KIF16B: variants seen among roughly 807,000 people sequenced by gnomAD.
The protein encoded by KIF16B is kinesin family member 16B.
In KIF16B, 98 loss-of-function variants were observed where a neutral mutation model predicts 156.3. That is an observed-to-expected ratio of 0.63 (90% CI 0.53 to 0.74). The LOEUF (loss-of-function observed/expected upper bound fraction) is 0.74, where lower values mean the gene tolerates loss of function less well. Among genes scored for constraint, KIF16B ranks in the 30% least tolerant of loss-of-function variants. The probability of loss-of-function intolerance (pLI) is 0.00; values close to 1 mark genes in which losing one functional copy is unlikely to be tolerated. For missense variants in KIF16B, 1,421 were observed against 1,606.5 expected (o/e 0.88, Z 1.97); for synonymous variants, 564 against 583.7 (o/e 0.97, Z 0.49).
At chr20:16,278,792 T>C (rs2876426) in intron 25 of KIF16B, among the ~76,000 whole-genome samples, 74,653 of 152,076 alleles carry the variant, frequency 0.49, 19,466 homozygotes, top group East Asian at 0.97. Flanking sequence ...TCCTGCCTGC[T>C]ACCCACAGCA....
chr20:16,470,586 C>T (rs2067633679), intron 12 of KIF16B, among the ~76,000 whole-genome samples: 1 of 152,058 alleles, frequency 6.6e-6, no homozygotes, highest in Non-Finnish European at 1.5e-5. Context: ...CAGGCTCAAG[C>T]AATCCTCCTA....
At chr20:16,426,513 G>T (rs2066356335) in intron 15 of KIF16B, among the ~76,000 whole-genome samples, 2 of 152,176 alleles carry the variant, frequency 1.3e-5, no homozygotes, top group Admixed American at 6.6e-5. Context: ...CTTGAACGAG[G>T]TCTGAGGATC....
intron 1 of KIF16B, among the ~76,000 whole-genome samples, chr20:16,557,158 T>TACTATATATATATAC (rs1568684259): frequency 2.6e-4 from 39 of 147,266 alleles, no homozygotes; most frequent in Non-Finnish European, 5.5e-4. Flanking sequence ...TATATATATA[T>TACTATATATATATAC]ACACACACAC....
chr20:16,312,859 TA>T (rs1203291169), intron 24 of KIF16B, among the ~76,000 whole-genome samples: 1 of 152,116 alleles, frequency 6.6e-6, no homozygotes, highest in Non-Finnish European at 1.5e-5. Flanking sequence ...CTGAACATTT[TA>T]TAAAATCGTT....
chr20:16,374,120 G>T, intron 20 of KIF16B, 137 bp downstream of exon 20: 1 of 827,200 alleles, frequency 1.2e-6, no homozygotes, highest in Non-Finnish European at 1.7e-6. Flanking sequence ...GCAGATGAAG[G>T]CAGAGCACAT....
intron 23 of KIF16B, among the ~76,000 whole-genome samples, chr20:16,338,949 T>C (rs1252666018): frequency 6.6e-6 from 1 of 152,140 alleles, no homozygotes; most frequent in Non-Finnish European, 1.5e-5. Flanking sequence ...TGGGAAGAAA[T>C]TGATGACATC....
At chr20:16,345,690 C>G (rs2123055510) in intron 23 of KIF16B, among the ~76,000 whole-genome samples, 1 of 152,230 alleles carries the variant, frequency 6.6e-6, no homozygotes, top group African/African-American at 2.4e-5. Flanking sequence ...TCTAAACTGC[C>G]TTTAGGAGGG....
At position 16,429,855 on chromosome 20, in the gene KIF16B, GT is replaced by G; in HGVS notation, c.1422+7del. On this transcript the variant is annotated splice_region_variant and intron_variant, in intron 13 of 25. Transcript: ENST00000354981. ...AAAATTAGAATGTTCCACTTAATCAGTTTCTACCTTTAAATGATATAAGATG... is the reference window on the plus strand; with the variant it reads ...AAAATTAGAATGTTCCACTTAATCAGTTCTACCTTTAAATGATATAAGATG... The G allele has an allele frequency of 6.2e-7, 1 of 1,603,174 alleles. No homozygotes were observed.
chr20:16,567,565 G>T (rs1411754109), intron 1 of KIF16B, among the ~76,000 whole-genome samples: 3 of 152,174 alleles, frequency 2.0e-5, no homozygotes, highest in African/African-American at 7.2e-5. Flanking sequence ...GAAGCAGCTG[G>T]CTCAACCCAG....
chr20:16,418,146 A>T (rs1183357752), intron 15 of KIF16B, among the ~76,000 whole-genome samples: 1 of 152,070 alleles, frequency 6.6e-6, no homozygotes, highest in Admixed American at 6.6e-5. Context: ...GAGAAGAGAG[A>T]TCAAGAAAAA....
intron 1 of KIF16B, among the ~76,000 whole-genome samples, chr20:16,529,747 T>G (rs1270582488): frequency 6.6e-6 from 1 of 151,506 alleles, no homozygotes; most frequent in Non-Finnish European, 1.5e-5. Context: ...AGGTCGGGAG[T>G]TCAAGACCAG....
At chr20:16,320,932 T>G (rs1411757069) in intron 24 of KIF16B, among the ~76,000 whole-genome samples, 1 of 152,194 alleles carries the variant, frequency 6.6e-6, no homozygotes, top group African/African-American at 2.4e-5. Context: ...CAATATATCA[T>G]GTGGTGAAGA....
At chr20:16,440,557 A>G (rs1210281965) in intron 12 of KIF16B, among the ~76,000 whole-genome samples, 7 of 95,080 alleles carry the variant, frequency 7.4e-5, no homozygotes, top group Admixed American at 9.5e-5. Flanking sequence ...ACACACACAC[A>G]CACACACACA....
intron 17 of KIF16B, among the ~76,000 whole-genome samples, chr20:16,389,995 G>A (rs1009103380): frequency 6.6e-6 from 1 of 152,162 alleles, no homozygotes; most frequent in African/African-American, 2.4e-5. Context: ...TCCCACAGTA[G>A]GCGGACTTAC....
At chr20:16,381,642 C>T in intron 18 of KIF16B, 52 bp downstream of exon 18, 1 of 1,397,888 alleles carries the variant, frequency 7.2e-7, no homozygotes, top group African/African-American at 1.4e-5. Flanking sequence ...AGGATATTAA[C>T]ACAGGAATCC....
chr20:16,418,040 G>A (rs1168462283), intron 15 of KIF16B, among the ~76,000 whole-genome samples: 1 of 151,898 alleles, frequency 6.6e-6, no homozygotes, highest in Admixed American at 6.6e-5. Flanking sequence ...TGAGAAGCTC[G>A]GCAAAACCCA....
At chr20:16,357,222 A>T (rs955158039) in intron 22 of KIF16B, among the ~76,000 whole-genome samples, 3 of 152,248 alleles carry the variant, frequency 2.0e-5, no homozygotes, top group African/African-American at 7.2e-5. Flanking sequence ...AATTAGAATC[A>T]TAATTATAGT....
At chr20:16,505,414 G>A (rs1434245208) in intron 9 of KIF16B, among the ~76,000 whole-genome samples, 1 of 152,006 alleles carries the variant, frequency 6.6e-6, no homozygotes, top group African/African-American at 2.4e-5. Context: ...TTTTGACCTT[G>A]TGTTCCTATG....
At chr20:16,310,215 A>G (rs1408592700) in intron 25 of KIF16B, among the ~76,000 whole-genome samples, 1 of 152,256 alleles carries the variant, frequency 6.6e-6, no homozygotes, top group Non-Finnish European at 1.5e-5. Flanking sequence ...CCACAGATAA[A>G]TAACAGTCAC....
Sources: allele counts gnomAD v4.1 joint callset (sites outside exome capture counted in the v4.1 genomes callset), GRCh38; gene constraint gnomAD v4.1.1; transcripts MANE v1.5; gene names NCBI Gene and HGNC (gene_info 2026-07-23, HGNC 2026-07-21).